The following ADAM28 variants were observed in gnomAD, a reference collection of about 807,000 sequenced individuals.
The protein encoded by ADAM28 is ADAM metallopeptidase domain 28.
ADAM28 carries 105 observed loss-of-function variants against 101.2 expected under a neutral mutation model. The observed-to-expected ratio is 1.04, with a 90% CI of 0.89 to 1.22. The LOEUF is 1.22. Among genes scored for constraint, ADAM28 ranks in the 50% most tolerant of loss-of-function variants. The probability of loss-of-function intolerance (pLI) is 0.00; values close to 1 mark genes in which losing one functional copy is unlikely to be tolerated. For missense variants in ADAM28, 1,028 were observed against 945.4 expected, an observed-to-expected ratio of 1.09 and a Z score of -1.15; for synonymous variants, 322 against 310.6, an observed-to-expected ratio of 1.04 and a Z score of -0.39.
chr8:24,307,028 C>G (rs1033557117), intron 2 of ADAM28, among the ~76,000 whole-genome samples: 1 of 152,210 alleles, frequency 6.6e-6, no homozygotes, highest in Admixed American at 6.5e-5. Context: ...TATAGTCTCT[C>G]AGGCACACCT....
At chr8:24,341,038 G>A (rs1455464918) in intron 15 of ADAM28, 1 of 152,380 alleles carries the variant, frequency 6.6e-6, no homozygotes, top group East Asian at 1.9e-4. Flanking sequence ...CAGCATTATA[G>A]TGGAGACTTG....
chr8:24,358,268 G>T lies in ADAM28; in HGVS notation c.*3864G>T, dbSNP rs1816808139. ...CTAAGTGTTATATTGCTATTTTTCAGTTGGTGCATCCAATATTATTATCAG... is the reference window on the plus strand; with the variant it reads ...CTAAGTGTTATATTGCTATTTTTCATTTGGTGCATCCAATATTATTATCAG... On this transcript the variant is annotated 3_prime_UTR_variant, in exon 23 of 23. Coordinates refer to ENST00000265769, the MANE Select transcript of ADAM28 (RefSeq NM_014265.6). The T allele has an allele frequency of 6.6e-6, 1 of 152,102 alleles. No individual in the cohort carries two copies. Among genetic ancestry groups the T allele is most frequent in the Non-Finnish European group, 1.5e-5 (1 of 68,030 alleles). 9.4% of individuals were successfully genotyped at this position (152,102 alleles called of 1,614,324 possible).
intron 6 of ADAM28, among the ~76,000 whole-genome samples, chr8:24,319,701 G>A (rs559730436): frequency 6.6e-6 from 1 of 151,206 alleles, no homozygotes; most frequent in Non-Finnish European, 1.5e-5. Flanking sequence ...GATAGAGAAA[G>A]GAACAGAACA....
chr8:24,337,312 C>A (rs970268840), intron 14 of ADAM28, among the ~76,000 whole-genome samples: 3 of 152,194 alleles, frequency 2.0e-5, no homozygotes, highest in Admixed American at 6.5e-5. Context: ...CTTCAGTATA[C>A]GGCAAAAACC....
chr8:24,317,733 A>G (rs898378866), intron 6 of ADAM28, among the ~76,000 whole-genome samples: 45 of 152,112 alleles, frequency 3.0e-4, no homozygotes, highest in African/African-American at 1.0e-3. Flanking sequence ...AAACAAAATG[A>G]AAAGGAATCT....
At chr8:24,351,340 C>T (rs774241693) in intron 20 of ADAM28, 30 bp downstream of exon 20, 18 of 1,593,534 alleles carry the variant, frequency 1.1e-5, no homozygotes, top group Non-Finnish European at 1.5e-5. Context: ...CTGTGATTAC[C>T]ATGGCCCCAC....
In ADAM28 at chr8:24,305,451, CTTTTTTT is replaced by C. The variant is rs10654023; in HGVS notation, c.151-4423_151-4417del. 2.0e-3 allele frequency among the ~76,000 whole-genome samples: 133 copies of C among 65,462 alleles called. 1 individual carries two copies. The highest frequency in any genetic ancestry group is 5.1e-3 in the African/African-American group (86 of 17,014). The allele number at this position is 65,462 out of a possible 152,430, so 42.9% of individuals were successfully genotyped here. A position where few individuals can be genotyped will look rare whatever the true frequency, so the allele number is the denominator to read the frequency against. On this transcript the variant is annotated intron_variant, in intron 2 of 22. Transcript: ENST00000265769. ...GTCCAGGTAAATTTTTAAGAGGTTT[CTTTTTTT>C]TTTTTTTTTTTTTTTTTTTAAAATA...
rs11990993 is a variant in ADAM28 at position 24,348,773 on chromosome 8, G to A, written c.1991-1091G>A. Among the ~76,000 whole-genome samples, 571 of 152,140 alleles carry A rather than the reference G, an allele frequency of 3.8e-3. 3 individuals carry two copies. Among genetic ancestry groups the A allele is most frequent in the African/African-American group, 0.013 (542 of 41,498 alleles). On this transcript the variant is annotated intron_variant, in intron 18 of 22. Transcript: ENST00000265769. ...GTTGTTATACTTCCATCTGTCCTGT[G>A]CCCCAATTTTAGCTCCAGACCATGT...
chr8:24,304,815 T>G lies in ADAM28; in HGVS notation c.150+4738T>G, dbSNP rs891149961. Among the ~76,000 whole-genome samples the G allele has an allele frequency of 2.0e-5, 3 of 151,536 alleles. No homozygotes were observed. In the East Asian group the frequency reaches 5.8e-4, roughly 29 times the overall value. ...CTCTAATCCCAACTACTAAGGAGGC[T>G]GAGGCAGGAGAATCATTGGAACCTG... On this transcript the variant is annotated intron_variant, in intron 2 of 22. Coordinates refer to ENST00000265769, the MANE Select transcript of ADAM28 (RefSeq NM_014265.6).
chr8:24,299,443 CT>C (rs1297230622), intron 1 of ADAM28, among the ~76,000 whole-genome samples: 1 of 112,402 alleles, frequency 8.9e-6, no homozygotes, highest in African/African-American at 3.2e-5. Flanking sequence ...GTATTGGAGC[CT>C]TTTCTTACTG....
chr8:24,334,253 T>C (rs1813726439), intron 13 of ADAM28, among the ~76,000 whole-genome samples: 1 of 152,148 alleles, frequency 6.6e-6, no homozygotes, highest in African/African-American at 2.4e-5. Context: ...TTACGTACAG[T>C]CTCACTTGAT....
In ADAM28 at chr8:24,356,951, G is replaced by T. The variant is rs1816726239; in HGVS notation, c.*2547G>T. ...CAAATTTTAGTTGGTTGCAGTCAGA[G>T]AATATGGAAAGGGTTATTATTATAA... is the stretch of plus-strand genomic sequence containing the variant. On this transcript the variant is annotated 3_prime_UTR_variant, in exon 23 of 23. Coordinates refer to ENST00000265769, the MANE Select transcript of ADAM28 (RefSeq NM_014265.6). 1.3e-5 allele frequency: 2 copies of T among 152,264 alleles called. No homozygotes were observed. Among genetic ancestry groups the T allele is most frequent in the African/African-American group, 4.8e-5 (2 of 41,556 alleles). The allele number at this position is 152,264 out of a possible 1,614,324, so 9.4% of individuals were successfully genotyped here. A position where few individuals can be genotyped will look rare whatever the true frequency, so the allele number is the denominator to read the frequency against.
At position 24,335,487 on chromosome 8, in the gene ADAM28, G is replaced by A. The variant is rs2129316397; in HGVS notation, c.1413G>A (p.Glu471=). The part of the protein sequence containing the change: ...AGMVCRPAKD[E]CDLPEMCNGK... ...TGGTGTGCAGACCAGCAAAAGATGA[G>A]TGCGACCTGCCTGAAATGTGTAATG... The change falls in exon 14 of 23, where the codon GAG becomes GAA. Residue 471 remains glutamate, a synonymous_variant. Transcript: ENST00000265769. The A allele has an allele frequency of 1.9e-6, 3 of 1,614,012 alleles. No individual in the cohort carries two copies. The highest frequency in any genetic ancestry group is 8.5e-7 in the Non-Finnish European group (1 of 1,179,952).
intron 3 of ADAM28, 88 bp downstream of exon 3, chr8:24,310,058 C>T: frequency 6.7e-7 from 1 of 1,496,254 alleles, no homozygotes; most frequent in Non-Finnish European, 9.3e-7. Flanking sequence ...TTATGGCTCA[C>T]ACAAACCTGG....
chr8:24,314,875 A>T (rs1810954848), intron 6 of ADAM28, among the ~76,000 whole-genome samples: 1 of 151,472 alleles, frequency 6.6e-6, no homozygotes, highest in African/African-American at 2.4e-5. Context: ...TTGGTGTAAG[A>T]TACTCCATTA....
intron 4 of ADAM28, chr8:24,310,507 G>A: frequency 3.1e-6 from 1 of 322,776 alleles, no homozygotes; most frequent in Non-Finnish European, 5.7e-6. Context: ...TTATTTTCTT[G>A]AGAGTGAAGA....
At chr8:24,349,294 A>G (rs1021317362) in intron 18 of ADAM28, among the ~76,000 whole-genome samples, 1 of 152,200 alleles carries the variant, frequency 6.6e-6, no homozygotes, top group Non-Finnish European at 1.5e-5. Flanking sequence ...TAAATTTGTC[A>G]GTACAAGAAA....
intron 9 of ADAM28, among the ~76,000 whole-genome samples, chr8:24,325,871 C>CAAAAAAAAAAAAAAAAA (rs5890146): frequency 1.5e-4 from 3 of 20,416 alleles, no homozygotes; most frequent in Non-Finnish European, 2.4e-4. Context: ...GTACAGATAG[C>CAAAAAAAAAAAAAAAAA]AAAAAAAAAA....
intron 14 of ADAM28, among the ~76,000 whole-genome samples, chr8:24,338,725 C>T (rs1478604240): frequency 6.6e-6 from 1 of 152,078 alleles, no homozygotes; most frequent in African/African-American, 2.4e-5. Context: ...AATTTCCAAA[C>T]GTTTAAGACA....
Sources: gnomAD v4.1 joint callset for allele counts (sites outside exome capture counted in the v4.1 genomes callset) on GRCh38, gnomAD v4.1.1 for gene constraint, MANE v1.5 for transcripts, NCBI Gene and HGNC (gene_info 2026-07-23, HGNC 2026-07-21) for gene names.